The following MYH2 variants were observed in gnomAD, a reference collection of about 807,000 sequenced individuals.
MYH2 encodes myosin-2.
In MYH2, 139 loss-of-function variants were observed where a neutral mutation model predicts 228.1. The ratio of observed to expected loss-of-function variants is 0.61; its 90% CI spans 0.53 to 0.70. The LOEUF (loss-of-function observed/expected upper bound fraction) is 0.70. Ranked by LOEUF, MYH2 falls within the 30% of genes least tolerant of loss-of-function variation. The probability of loss-of-function intolerance (pLI) is 0.00; values close to 1 mark genes in which losing one functional copy is unlikely to be tolerated. For synonymous variants in MYH2, 796 were observed against 871.1 expected (o/e 0.91, Z 1.52); for missense variants, 1,809 against 2,357.5 (o/e 0.77, Z 4.82).
rs2073387879 is a variant in MYH2, at chr17:10,528,871, G to T, written c.3563C>A (p.Thr1188Asn). Residue 1188 changes from threonine to asparagine, a missense_variant, in exon 27 of 40, where the codon ACC becomes AAC. Transcript: ENST00000245503. ...GGCCGCTGTGGCTTCATGCTGTAGG[G>T]TGGCCTCCTCCAGGTCCCTGCGCAT... The part of the protein sequence containing the change: ...QKMRRDLEEA[T>N]LQHEATAATL... The T allele has an allele frequency of 6.2e-7, 1 of 1,614,152 alleles. No individual in the cohort carries two copies. Among genetic ancestry groups the T allele is most frequent in the Non-Finnish European group, 8.5e-7 (1 of 1,180,038 alleles).
At chr17:10,526,206 A>G (rs2073350689) in intron 30 of MYH2, among the ~76,000 whole-genome samples, 1 of 152,208 alleles carries the variant, frequency 6.6e-6, no homozygotes. Flanking sequence ...CTAGATATTC[A>G]GTGAAGGCCT....
chr17:10,532,205 A>G (rs902843930), intron 21 of MYH2, among the ~76,000 whole-genome samples: 4 of 152,138 alleles, frequency 2.6e-5, no homozygotes, highest in South Asian at 4.1e-4. Context: ...GGCACTTTTA[A>G]CAAGTTTGCA....
chr17:10,539,804 T>G, intron 12 of MYH2, 124 bp downstream of exon 12: 2 of 1,406,942 alleles, frequency 1.4e-6, no homozygotes, highest in Non-Finnish European at 2.0e-6. Context: ...TATTTAGGTA[T>G]ACAGATACTT....
At position 10,537,479 on chromosome 17, in the gene MYH2, A is replaced by G. The variant is rs1439972247; in HGVS notation, c.1651T>C (p.Phe551Leu). 1 of 1,614,226 alleles carries G rather than the reference A, an allele frequency of 6.2e-7. No individual in the cohort carries two copies. The highest frequency in any genetic ancestry group is 8.5e-7 in the Non-Finnish European group (1 of 1,180,044). The change falls in exon 16 of 40, where the codon TTC becomes CTC. Residue 551 changes from phenylalanine (F) to leucine (L), a missense_variant. Transcript: ENST00000245503. The surrounding 1 kb of genome is among the most constrained non-coding windows in gnomAD (Gnocchi z 4.0). ...TGCTGGTCATACAGCTTGTTCTTGAAGGAGGTGTCTGTTGCCTTAGGGAAC... is the reference window on the plus strand; with the variant it reads ...TGCTGGTCATACAGCTTGTTCTTGAGGGAGGTGTCTGTTGCCTTAGGGAAC... ...CMFPKATDTS[F>L]KNKLYDQHLG...
At chr17:10,538,946 T>G (rs1292778294) in intron 14 of MYH2, among the ~76,000 whole-genome samples, 1 of 152,338 alleles carries the variant, frequency 6.6e-6, no homozygotes, top group South Asian at 2.1e-4. Context: ...TTTCTTAAAA[T>G]AGACCTTCAA....
chr17:10,547,163 G>T (rs2073646046), intron 4 of MYH2, among the ~76,000 whole-genome samples: 1 of 152,200 alleles, frequency 6.6e-6, no homozygotes, highest in African/African-American at 2.4e-5. Flanking sequence ...TGCGGCTGGA[G>T]TGGGGAAAAG....
chr17:10,530,804 A>G (rs1034842096), intron 22 of MYH2, among the ~76,000 whole-genome samples: 1 of 152,198 alleles, frequency 6.6e-6, no homozygotes, highest in Admixed American at 6.5e-5. Context: ...TCTGGGGACA[A>G]CAGAAGAGAA....
intron 4 of MYH2, 51 bp from the exon 5 acceptor site, chr17:10,545,553 G>C (rs1188835436): frequency 6.2e-7 from 1 of 1,604,742 alleles, no homozygotes; most frequent in Non-Finnish European, 8.5e-7. Flanking sequence ...TGTTATTTGT[G>C]AAATTAACTT....
intron 14 of MYH2, among the ~76,000 whole-genome samples, chr17:10,538,416 C>T (rs1375138586): frequency 5.3e-5 from 8 of 151,884 alleles, no homozygotes; most frequent in East Asian, 1.9e-4. Flanking sequence ...CTGAGGTGGG[C>T]GGATCACGAG....
At position 10,537,370 on chromosome 17, in the gene MYH2, C is replaced by A; in HGVS notation, c.1760G>T (p.Gly587Val). 6.2e-7 allele frequency: 1 copy of A among 1,614,180 alleles called. No homozygotes were observed. Among genetic ancestry groups the A allele is most frequent in the Non-Finnish European group, 8.5e-7 (1 of 1,180,024 alleles). Residue 587 changes from glycine (G) to valine (V), a missense_variant, in exon 16 of 40, where the codon GGT becomes GTT. Coordinates refer to ENST00000245503, the MANE Select transcript of MYH2 (RefSeq NM_017534.6). This position sits in a 1 kb window ranked among gnomAD's most constrained non-coding sequence, Gnocchi z 4.0. ...GCCAGTAATGTTGTAGTCCACAACA[C>A]CAGCATAGTGAATCAGAGCGAAGTG... ...EAHFALIHYA[G>V]VVDYNITGWL...
At chr17:10,544,878 C>T (rs573338192) in intron 5 of MYH2, among the ~76,000 whole-genome samples, 1 of 152,196 alleles carries the variant, frequency 6.6e-6, no homozygotes, top group East Asian at 1.9e-4. Context: ...ATTGTGCCGT[C>T]CTTCATATAG....
At position 10,547,488 on chromosome 17, in the gene MYH2, G is replaced by C; in HGVS notation, c.335C>G (p.Ala112Gly). ...GGGGACACTCACGTAGATCATCCAG[G>C]CTGCATAACGTTCTTTGAGGTTGTA... is the stretch of plus-strand genomic sequence containing the variant. ...VLYNLKERYAAWMIYTYSGLF... is the reference protein window; with the variant it reads ...VLYNLKERYAGWMIYTYSGLF... Residue 112 changes from alanine (A) to glycine (G), a missense_variant, in exon 4 of 40, where the codon GCC (alanine) becomes GGC (glycine). Around this residue, in one of 9 missense-constraint regions of MYH2, gnomAD observed 373 missense variants for 620.4 expected, o/e 0.60. Coordinates refer to ENST00000245503, the MANE Select transcript of MYH2 (RefSeq NM_017534.6). 6.2e-7 allele frequency: 1 copy of C among 1,614,118 alleles called. No individual in the cohort carries two copies. The highest frequency in any genetic ancestry group is 8.5e-7 in the Non-Finnish European group (1 of 1,180,002).
At position 10,528,047 on chromosome 17, in the gene MYH2, C is replaced by CT. The variant is rs71365770; in HGVS notation, c.3745-174dup. On this transcript the variant is annotated intron_variant, in intron 27 of 39. Coordinates refer to ENST00000245503, the MANE Select transcript of MYH2 (RefSeq NM_017534.6). ...AATGCAGAAAAATTTTTCTTTCTTT[C>CT]TTTTTTTTTTTTTTTGAGACAGAGT... is the stretch of plus-strand genomic sequence containing the variant. 4.2e-3 allele frequency among the ~76,000 whole-genome samples: 549 copies of CT among 131,842 alleles called. 6 individuals carry two copies. Among genetic ancestry groups the CT allele is most frequent in the African/African-American group, 0.011 (381 of 36,114 alleles). 86.5% of individuals were successfully genotyped at this position (131,842 alleles called of 152,430 possible). A position where few individuals can be genotyped will look rare whatever the true frequency, so the allele number is the denominator to read the frequency against.
At chr17:10,546,742 T>C (rs1192589952) in intron 4 of MYH2, among the ~76,000 whole-genome samples, 1 of 148,666 alleles carries the variant, frequency 6.7e-6, no homozygotes, top group Non-Finnish European at 1.5e-5. Context: ...CAAATTGCTG[T>C]TATTTCAGGG....
chr17:10,541,654 C>T (rs1401027263), intron 10 of MYH2, among the ~76,000 whole-genome samples: 2 of 152,172 alleles, frequency 1.3e-5, no homozygotes, highest in Non-Finnish European at 2.9e-5. Context: ...CACTCCCTCC[C>T]CTTTGAAAAT....
chr17:10,540,129 C>G (rs2073533071), intron 11 of MYH2, 63 bp from the exon 12 acceptor site: 2 of 1,604,456 alleles, frequency 1.2e-6, no homozygotes, highest in Admixed American at 1.7e-5. Context: ...GTTAATACTG[C>G]ACATTCCCAT....
At chr17:10,530,952 A>G (rs2073416995) in intron 22 of MYH2, among the ~76,000 whole-genome samples, 1 of 152,230 alleles carries the variant, frequency 6.6e-6, no homozygotes, top group South Asian at 2.1e-4. Context: ...TTCACTCCAA[A>G]TAAAACATAG....
At chr17:10,533,488 G>A (rs759488538) in intron 20 of MYH2, 21 bp downstream of exon 20, 2 of 1,614,144 alleles carry the variant, frequency 1.2e-6, no homozygotes, top group Non-Finnish European at 8.5e-7. Context: ...ATAGCATCAG[G>A]TAGGATTTAC....
chr17:10,534,565 C>T (rs1161162091), intron 19 of MYH2, among the ~76,000 whole-genome samples: 1 of 152,158 alleles, frequency 6.6e-6, no homozygotes, highest in Non-Finnish European at 1.5e-5. Flanking sequence ...AAGCTAAGTG[C>T]CTGATAAATC....
Sources: gnomAD v4.1 joint callset for allele counts (sites outside exome capture counted in the v4.1 genomes callset) on GRCh38, gnomAD v4.1.1 for gene constraint, gnomAD v4.1.1 regional missense constraint, Gnocchi (gnomAD v3.1) non-coding constraint, MANE v1.5 for transcripts, NCBI Gene and HGNC (gene_info 2026-07-23, HGNC 2026-07-21) for gene names.